The following TAFA1 variants were observed in gnomAD, a reference collection of about 807,000 sequenced individuals.
TAFA1 encodes the protein chemokine-like protein TAFA-1.
In TAFA1, 4 loss-of-function variants were observed where a neutral mutation model predicts 18.5. That is an observed-to-expected ratio of 0.22 (90% confidence interval 0.11 to 0.49). The LOEUF (loss-of-function observed/expected upper bound fraction) is 0.49. Among genes scored for constraint, TAFA1 ranks in the 20% least tolerant of loss-of-function variants. The pLI is 0.98. For synonymous variants in TAFA1, 56 were observed against 55.2 expected (o/e 1.01, Z -0.06); for missense variants, 147 against 169.0 (o/e 0.87, Z 0.72).
chr3:68,428,109 C>G (rs1197535583), intron 3 of TAFA1, among the ~76,000 whole-genome samples: 1 of 151,842 alleles, frequency 6.6e-6, no homozygotes, highest in East Asian at 1.9e-4. Context: ...AAATTCAAAA[C>G]CTGTTAAGGT....
intron 2 of TAFA1, among the ~76,000 whole-genome samples, chr3:68,269,466 C>G (rs190333474): frequency 3.3e-5 from 5 of 152,096 alleles, no homozygotes; most frequent in Non-Finnish European, 7.3e-5. Flanking sequence ...AGACCCAATT[C>G]TAAAAAATAA....
intron 3 of TAFA1, among the ~76,000 whole-genome samples, chr3:68,472,957 G>A (rs2072028161): frequency 6.6e-6 from 1 of 152,150 alleles, no homozygotes; most frequent in Non-Finnish European, 1.5e-5. Context: ...AGGCTTACAT[G>A]ACTGGCATGA....
rs185798048 is a variant in TAFA1 at position 68,239,101 on chromosome 3, G to A, written c.119-178179G>A. Among the ~76,000 whole-genome samples the A allele has an allele frequency of 4.1e-3, 619 of 152,200 alleles. 18 individuals are homozygous for A. The highest frequency in any genetic ancestry group is 6.8e-4 in the Non-Finnish European group (46 of 67,992). On this transcript the variant is annotated intron_variant, in intron 2 of 4. Transcript: ENST00000478136. ...TTGAGAAGCAAAGATTTGAATCATGGTAGAGATGTGTGTATTTATACTTTT... is the reference window on the plus strand; with the variant it reads ...TTGAGAAGCAAAGATTTGAATCATGATAGAGATGTGTGTATTTATACTTTT...
intron 2 of TAFA1, among the ~76,000 whole-genome samples, chr3:68,019,822 C>T (rs565134701): frequency 7.2e-5 from 11 of 152,248 alleles, no homozygotes; most frequent in South Asian, 2.1e-4. Context: ...GATAGCCCCC[C>T]GGCCAGTGAT....
chr3:68,152,526 G>A (rs2065818504), intron 2 of TAFA1, among the ~76,000 whole-genome samples: 1 of 152,116 alleles, frequency 6.6e-6, no homozygotes, highest in East Asian at 1.9e-4. Flanking sequence ...AATGCTGTCA[G>A]TTAAATTCAG....
intron 2 of TAFA1, among the ~76,000 whole-genome samples, chr3:68,132,993 A>G (rs2065561814): frequency 1.3e-5 from 2 of 152,036 alleles, no homozygotes; most frequent in Admixed American, 1.3e-4. Context: ...GGGTTTTTAT[A>G]GTTTTAGGTC....
At chr3:68,332,880 G>A (rs537919443) in intron 2 of TAFA1, among the ~76,000 whole-genome samples, 2 of 152,252 alleles carry the variant, frequency 1.3e-5, no homozygotes, top group East Asian at 1.9e-4. Flanking sequence ...AGAACACACA[G>A]CCAATAACCA....
At chr3:68,106,257 A>G (rs1029737298) in intron 2 of TAFA1, among the ~76,000 whole-genome samples, 1 of 152,118 alleles carries the variant, frequency 6.6e-6, no homozygotes, top group African/African-American at 2.4e-5. Flanking sequence ...TACTAAATAT[A>G]AAATTAGAAC....
Position 68,538,808 on chromosome 3 carries a change from A to G in TAFA1, c.312A>G (p.Gly104=). Residue 104 remains glycine, a synonymous_variant, in exon 4 of 5, where the codon GGA becomes GGG. Transcript: ENST00000478136. ...WWCEMEPCLE[G]EECKTLPDNS... is the part of the protein sequence containing the mutation. ...GTGAGATGGAGCCTTGCCTAGAAGG[A>G]GAAGAATGTAAGACACTCCCTGACA... 1 of 1,613,594 alleles carries G rather than the reference A, an allele frequency of 6.2e-7. No homozygotes were observed. The highest frequency in any genetic ancestry group is 8.5e-7 in the Non-Finnish European group (1 of 1,179,630).
chr3:68,173,232 C>T (rs574898893), intron 2 of TAFA1, among the ~76,000 whole-genome samples: 45 of 151,554 alleles, frequency 3.0e-4, no homozygotes, highest in Admixed American at 9.8e-4. Flanking sequence ...TTAACCTTAG[C>T]GGGTTTACTT....
intron 3 of TAFA1, among the ~76,000 whole-genome samples, chr3:68,428,519 G>GAGT (rs1399483081): frequency 6.6e-6 from 1 of 151,856 alleles, no homozygotes; most frequent in Non-Finnish European, 1.5e-5. Context: ...TAGATGGGTG[G>GAGT]AGTAGTCATA....
intron 2 of TAFA1, among the ~76,000 whole-genome samples, chr3:68,393,636 C>A (rs900614646): frequency 6.6e-6 from 1 of 152,174 alleles, no homozygotes; most frequent in Admixed American, 6.5e-5. Context: ...CAGACCGAAT[C>A]CATCAGCACA....
chr3:68,318,230 C>T (rs1467131165), intron 2 of TAFA1, among the ~76,000 whole-genome samples: 1 of 152,162 alleles, frequency 6.6e-6, no homozygotes, highest in South Asian at 2.1e-4. Context: ...AAATTGTGCC[C>T]TTCTAATGGT....
At chr3:68,348,863 C>T (rs1024303174) in intron 2 of TAFA1, among the ~76,000 whole-genome samples, 2 of 151,962 alleles carry the variant, frequency 1.3e-5, no homozygotes, top group South Asian at 4.2e-4. Context: ...TGAAAAACTG[C>T]ACTAGGAAGA....
intron 3 of TAFA1, among the ~76,000 whole-genome samples, chr3:68,484,382 C>A (rs984239859): frequency 6.6e-6 from 1 of 151,970 alleles, no homozygotes; most frequent in Non-Finnish European, 1.5e-5. Flanking sequence ...CAGTTATTGG[C>A]TATTGCAGCG....
At chr3:68,481,012 C>G (rs1190774514) in intron 3 of TAFA1, among the ~76,000 whole-genome samples, 1 of 152,158 alleles carries the variant, frequency 6.6e-6, no homozygotes, top group Non-Finnish European at 1.5e-5. Context: ...CTCCTCCTTG[C>G]CTTCCACCAT....
At chr3:68,421,727 A>C (rs572201972) in intron 3 of TAFA1, among the ~76,000 whole-genome samples, 21 of 152,232 alleles carry the variant, frequency 1.4e-4, no homozygotes, top group African/African-American at 5.1e-4. Context: ...AATCTTCTAT[A>C]TAATGTTTTT....
At chr3:68,008,469 T>C (rs944821903) in intron 2 of TAFA1, among the ~76,000 whole-genome samples, 2 of 152,226 alleles carry the variant, frequency 1.3e-5, no homozygotes, top group African/African-American at 4.8e-5. Flanking sequence ...TAGTTCACAC[T>C]GTTCAGTTTA....
chr3:68,477,191 T>G (rs1311368681), intron 3 of TAFA1, among the ~76,000 whole-genome samples: 1 of 151,916 alleles, frequency 6.6e-6, no homozygotes, highest in Non-Finnish European at 1.5e-5. Context: ...ATATACTCTT[T>G]TATATATTTT....
Sources: allele counts gnomAD v4.1 joint callset (sites outside exome capture counted in the v4.1 genomes callset), GRCh38; gene constraint gnomAD v4.1.1; transcripts MANE v1.5; gene names NCBI Gene and HGNC (gene_info 2026-07-23, HGNC 2026-07-21).